DCK: variants seen among roughly 807,000 people sequenced by gnomAD.
DCK encodes the protein deoxycytidine kinase.
DCK carries 23 observed loss-of-function variants against 38.3 expected under a neutral mutation model. The ratio of observed to expected loss-of-function variants is 0.60; its 90% CI spans 0.43 to 0.85. The LOEUF is 0.85. Among genes scored for constraint, DCK ranks in the 40% least tolerant of loss-of-function variants. DCK has a pLI of 0.00. For synonymous variants in DCK, 108 were observed against 100.6 expected, an observed-to-expected ratio of 1.07 and a Z score of -0.44; for missense variants, 259 against 304.4, an observed-to-expected ratio of 0.85 and a Z score of 1.11.
chr4:71,015,880 G>A (rs1264403367), intron 2 of DCK, among the ~76,000 whole-genome samples: 3 of 152,140 alleles, frequency 2.0e-5, no homozygotes, highest in African/African-American at 2.4e-5. Context: ...CACAAGACAC[G>A]GATGCCCTCT....
At position 71,019,963 on chromosome 4, in the gene DCK, T is replaced by C. The variant is rs563932406; in HGVS notation, c.208-2404T>C. On this transcript the variant is annotated intron_variant, in intron 2 of 6. Transcript: ENST00000286648. Reference sequence around the variant, plus strand: ...CACCACGCCTGGCTAATTTTTTATATTTTTGGTAGAGACAGGGTTTCACCA... The same window carrying C: ...CACCACGCCTGGCTAATTTTTTATACTTTTGGTAGAGACAGGGTTTCACCA... 1.3e-4 allele frequency among the ~76,000 whole-genome samples: 20 copies of C among 152,218 alleles called. No individual in the cohort carries two copies. The South Asian group carries it at 3.9e-3, about 30-fold the overall frequency.
chr4:71,004,241 CTG>C (rs1182870686), intron 2 of DCK, among the ~76,000 whole-genome samples: 1 of 152,178 alleles, frequency 6.6e-6, no homozygotes, highest in East Asian at 1.9e-4. Context: ...CTGGAGTTTG[CTG>C]GAGGTCCACT....
intron 1 of DCK, among the ~76,000 whole-genome samples, chr4:70,995,112 A>G (rs1739632968): frequency 6.6e-6 from 1 of 152,230 alleles, no homozygotes. Context: ...ATTCTCAAAG[A>G]GGACTTCTTA....
intron 2 of DCK, among the ~76,000 whole-genome samples, chr4:71,011,100 G>A (rs1290642772): frequency 2.0e-5 from 3 of 151,784 alleles, no homozygotes; most frequent in South Asian, 2.1e-4. Context: ...GTGCCACCAC[G>A]CCTGGCTAAT....
At chr4:71,001,891 A>C (rs1160879815) in intron 2 of DCK, among the ~76,000 whole-genome samples, 2 of 152,090 alleles carry the variant, frequency 1.3e-5, no homozygotes, top group South Asian at 2.1e-4. Flanking sequence ...CTAGTGGTCT[A>C]TCTATTTTGT....
chr4:71,019,344 GAAATT>G (rs1740349873), intron 2 of DCK, among the ~76,000 whole-genome samples: 1 of 152,110 alleles, frequency 6.6e-6, no homozygotes, highest in African/African-American at 2.4e-5. Context: ...TATTTATTGA[GAAATT>G]AAAATAAAAG....
At chr4:71,009,229 T>C (rs1560682523) in intron 2 of DCK, among the ~76,000 whole-genome samples, 2 of 152,344 alleles carry the variant, frequency 1.3e-5, no homozygotes, top group East Asian at 3.9e-4. Context: ...GGTTCAAATA[T>C]GTGGGATGCC....
intron 2 of DCK, among the ~76,000 whole-genome samples, chr4:71,011,955 ATATAT>A (rs1386722872): frequency 6.6e-6 from 1 of 152,332 alleles, no homozygotes; most frequent in East Asian, 1.9e-4. Flanking sequence ...TAATAATGTA[ATATAT>A]TAAATTTTGG....
rs1020853959 is a variant in DCK at position 71,029,980 on chromosome 4, ATAAAGT to A, written c.*609_*614del. On this transcript the variant is annotated 3_prime_UTR_variant, in exon 7 of 7. Transcript: ENST00000286648. ...GTCTGGATTAATTAGGCAGCCTGCT[ATAAAGT>A]TAAAGTCACACATTTCTATTTTGCA... 4 of 152,690 alleles carry A rather than the reference ATAAAGT, an allele frequency of 2.6e-5. No individual in the cohort carries two copies. The highest frequency in any genetic ancestry group is 9.6e-5 in the African/African-American group (4 of 41,462). 9.5% of individuals were successfully genotyped at this position (152,690 alleles called of 1,614,324 possible). A position where few individuals can be genotyped will look rare whatever the true frequency, so the allele number is the denominator to read the frequency against.
Position 71,029,524 on chromosome 4 carries a change from C to T in DCK, c.*146C>T. ...AGGAAAAAAGATTTTTAAAATGAAT[C>T]TTATGCAAAACTTTTTGACCAGTTT... On this transcript the variant is annotated 3_prime_UTR_variant, in exon 7 of 7. Transcript: ENST00000286648. 1.1e-5 allele frequency: 7 copies of T among 630,160 alleles called. No individual in the cohort carries two copies. The highest frequency in any genetic ancestry group is 2.0e-5 in the South Asian group (1 of 50,446). 39.0% of individuals were successfully genotyped at this position (630,160 alleles called of 1,614,324 possible). A position where few individuals can be genotyped will look rare whatever the true frequency, so the allele number is the denominator to read the frequency against.
chr4:71,002,234 T>C (rs1244635924), intron 2 of DCK, among the ~76,000 whole-genome samples: 2 of 152,324 alleles, frequency 1.3e-5, no homozygotes, highest in South Asian at 2.1e-4. Flanking sequence ...ATTTACCCGG[T>C]AGTCATTCAG....
At chr4:71,006,678 T>C (rs745352638) in intron 2 of DCK, among the ~76,000 whole-genome samples, 1 of 152,014 alleles carries the variant, frequency 6.6e-6, no homozygotes, top group African/African-American at 2.4e-5. Flanking sequence ...TGTGGTAGCC[T>C]GCACTTGGGG....
intron 2 of DCK, among the ~76,000 whole-genome samples, chr4:71,013,132 T>C (rs1740146538): frequency 6.6e-6 from 1 of 152,150 alleles, no homozygotes. Flanking sequence ...CAGTAGCCGA[T>C]TCAATCAACT....
chr4:71,030,165 A>G lies in DCK; in HGVS notation c.*787A>G, dbSNP rs554766435. ...ATTATTTTTTGTTGAATAGGAAATAAAATTAATGAAGACAGAGGCTAGAAA... is the reference window on the plus strand; with the variant it reads ...ATTATTTTTTGTTGAATAGGAAATAGAATTAATGAAGACAGAGGCTAGAAA... On this transcript the variant is annotated 3_prime_UTR_variant, in exon 7 of 7. Coordinates refer to ENST00000286648, the MANE Select transcript of DCK (RefSeq NM_000788.3). 18 of 152,744 alleles carry G rather than the reference A, an allele frequency of 1.2e-4. No individual in the cohort carries two copies. The highest frequency in any genetic ancestry group is 6.2e-4 in the South Asian group (3 of 4,830). The allele number at this position is 152,744 out of a possible 1,614,324, so 9.5% of individuals were successfully genotyped here. A position where few individuals can be genotyped will look rare whatever the true frequency, so the allele number is the denominator to read the frequency against.
chr4:71,002,462 C>G (rs11731434), intron 2 of DCK, among the ~76,000 whole-genome samples: 125,662 of 152,112 alleles, frequency 0.83, 55,527 homozygotes, highest in Non-Finnish European at 0.97. Context: ...GGAGAGTTCT[C>G]TAGATGTCTT....
Position 71,020,844 on chromosome 4 carries a change from C to T in DCK, c.208-1523C>T, listed in dbSNP as rs72854201. On this transcript the variant is annotated intron_variant, in intron 2 of 6. Transcript: ENST00000286648. ...AATCCCAGTGGTCTGTAGTAGTTTC[C>T]TAAAATATACAAGATGAAGCTCATC... Among the ~76,000 whole-genome samples, 542 of 152,100 alleles carry T rather than the reference C, an allele frequency of 3.6e-3. 4 individuals carry two copies. Among genetic ancestry groups the T allele is most frequent in the African/African-American group, 0.013 (524 of 41,516 alleles).
intron 6 of DCK, among the ~76,000 whole-genome samples, chr4:71,028,470 T>C (rs1694547073): frequency 6.6e-6 from 1 of 152,168 alleles, no homozygotes; most frequent in African/African-American, 2.4e-5. Flanking sequence ...GGTGTGCACC[T>C]AGCCAGGAGT....
At position 71,029,654 on chromosome 4, in the gene DCK, A is replaced by C. The variant is rs1740639271; in HGVS notation, c.*276A>C. 3.2e-6 allele frequency: 1 copy of C among 314,138 alleles called. No homozygotes were observed. The allele number at this position is 314,138 out of a possible 1,614,324, so 19.5% of individuals were successfully genotyped here. A position where few individuals can be genotyped will look rare whatever the true frequency, so the allele number is the denominator to read the frequency against. On this transcript the variant is annotated 3_prime_UTR_variant, in exon 7 of 7. Coordinates refer to ENST00000286648, the MANE Select transcript of DCK (RefSeq NM_000788.3). Reference sequence around the variant, plus strand: ...TGGTTCCAGTATCAGCATAGTGACTAAACTACATTATAAAAGATCCAGCTT... The same window carrying C: ...TGGTTCCAGTATCAGCATAGTGACTCAACTACATTATAAAAGATCCAGCTT...
intron 2 of DCK, among the ~76,000 whole-genome samples, chr4:71,016,371 T>C (rs1163653945): frequency 1.3e-5 from 2 of 152,170 alleles, no homozygotes; most frequent in Non-Finnish European, 2.9e-5. Context: ...AGGTAATTTA[T>C]AGATTCAATG....
Sources: gnomAD v4.1 joint callset for allele counts (sites outside exome capture counted in the v4.1 genomes callset) on GRCh38, gnomAD v4.1.1 for gene constraint, MANE v1.5 for transcripts, NCBI Gene and HGNC (gene_info 2026-07-23, HGNC 2026-07-21) for gene names.